Variants in RSRC1 observed in about 807,000 individuals in gnomAD.
RSRC1 encodes the protein arginine and serine rich coiled-coil 1.
Under a neutral mutation model 49.1 loss-of-function variants are expected in RSRC1, and 39 were observed. The ratio of observed to expected loss-of-function variants is 0.79; its 90% CI spans 0.61 to 1.04. The LOEUF is 1.04. Ranked by LOEUF, RSRC1 falls within the 50% of genes least tolerant of loss-of-function variation. The pLI, the probability that RSRC1 is intolerant of heterozygous loss-of-function variation, is 0.00. For synonymous variants in RSRC1, 143 were observed against 130.8 expected, an observed-to-expected ratio of 1.09 and a Z score of -0.63; for missense variants, 388 against 402.4, an observed-to-expected ratio of 0.96 and a Z score of 0.31.
intron 6 of RSRC1, among the ~76,000 whole-genome samples, chr3:158,444,775 A>T (rs1374549025): frequency 6.6e-6 from 1 of 152,232 alleles, no homozygotes; most frequent in East Asian, 1.9e-4. Flanking sequence ...AAGGGCTAAT[A>T]TCCAGAATCT....
At chr3:158,450,661 G>GT (rs1736977735) in intron 6 of RSRC1, among the ~76,000 whole-genome samples, 1 of 151,816 alleles carries the variant, frequency 6.6e-6, no homozygotes, top group Non-Finnish European at 1.5e-5. Flanking sequence ...ATATGCAGAA[G>GT]TAGCAGCTAT....
intron 7 of RSRC1, among the ~76,000 whole-genome samples, chr3:158,471,231 T>C (rs1288139081): frequency 1.3e-5 from 2 of 152,176 alleles, no homozygotes; most frequent in African/African-American, 4.8e-5. Context: ...GTATGATAAG[T>C]AGATTAGGAT....
intron 6 of RSRC1, among the ~76,000 whole-genome samples, chr3:158,388,612 G>GTTTTTTTT (rs11354237): frequency 1.4e-5 from 2 of 143,952 alleles, no homozygotes; most frequent in African/African-American, 5.2e-5. Context: ...CGTGTTTTTT[G>GTTTTTTTT]TTTTTTTTTT....
intron 4 of RSRC1, among the ~76,000 whole-genome samples, chr3:158,247,630 C>A (rs1222224833): frequency 6.6e-6 from 1 of 152,134 alleles, no homozygotes; most frequent in Non-Finnish European, 1.5e-5. Context: ...TTTTAACAGT[C>A]TAGCCTCTCT....
chr3:158,286,808 T>C (rs1262732120), intron 4 of RSRC1, among the ~76,000 whole-genome samples: 1 of 152,218 alleles, frequency 6.6e-6, no homozygotes, highest in Non-Finnish European at 1.5e-5. Context: ...ATTTCTGAGT[T>C]ATTCAAACTT....
rs557840086 is a variant in RSRC1, at chr3:158,122,111, C to T, written c.7C>T (p.Arg3Cys). 1.5e-5 allele frequency: 22 copies of T among 1,495,740 alleles called. No individual in the cohort carries two copies. The South Asian group carries it at 1.6e-4, about 11-fold the overall frequency. The allele number at this position is 1,495,740 out of a possible 1,614,324, so 92.7% of individuals were successfully genotyped here. ...CAAATTTATGCTTATAGAAATGGGA[C>T]GTCGGTCATCAGATACTGAAGAAGA... MGRRSSDTEEESR... is the reference protein window; with the variant it reads MGCRSSDTEEESR... Residue 3 changes from arginine (R) to cysteine (C), a missense_variant, in exon 2 of 10, where the codon CGT becomes TGT. Coordinates refer to ENST00000611884, the MANE Select transcript of RSRC1 (RefSeq NM_001271838.2).
At chr3:158,338,816 C>T (rs946295884) in intron 5 of RSRC1, among the ~76,000 whole-genome samples, 1 of 152,276 alleles carries the variant, frequency 6.6e-6, no homozygotes, top group East Asian at 1.9e-4. Flanking sequence ...AATTAAAATT[C>T]AAGCTCTGCC....
chr3:158,257,975 C>T lies in RSRC1; in HGVS notation c.495-40064C>T, dbSNP rs1724665807. On this transcript the variant is annotated intron_variant, in intron 4 of 9. Coordinates refer to ENST00000611884, the MANE Select transcript of RSRC1 (RefSeq NM_001271838.2). ...TTCTTGCTTTTTAACCTTGTCCTGT[C>T]TCTATTGATAGCTTATTTTACTGTC... is the stretch of plus-strand genomic sequence containing the variant. Among the ~76,000 whole-genome samples the T allele has an allele frequency of 2.6e-5, 4 of 152,064 alleles. No individual in the cohort carries two copies. The South Asian group carries it at 8.3e-4, about 32-fold the overall frequency.
At chr3:158,196,183 TGG>T (rs982833689) in intron 3 of RSRC1, among the ~76,000 whole-genome samples, 2 of 138,284 alleles carry the variant, frequency 1.4e-5, no homozygotes, top group African/African-American at 5.4e-5. Flanking sequence ...TTGAGCAGTG[TGG>T]TTTGTAGTTC....
chr3:158,229,350 AT>A (rs1285174367), intron 4 of RSRC1, among the ~76,000 whole-genome samples: 12,745 of 119,736 alleles, frequency 0.11, 2,169 homozygotes, highest in East Asian at 0.3. Flanking sequence ...GTATGTATAT[AT>A]ATACACATAT....
At chr3:158,498,212 C>G (rs1347681193) in intron 7 of RSRC1, among the ~76,000 whole-genome samples, 1 of 150,588 alleles carries the variant, frequency 6.6e-6, no homozygotes, top group Non-Finnish European at 1.5e-5. Flanking sequence ...GTTCCCTGAT[C>G]ATCGCATCCA....
chr3:158,121,864 G>A (rs1274073537), intron 1 of RSRC1, among the ~76,000 whole-genome samples: 2 of 152,144 alleles, frequency 1.3e-5, no homozygotes, highest in Non-Finnish European at 2.9e-5. Flanking sequence ...ATTGAGGCCA[G>A]AAATGGTGGC....
At chr3:158,272,330 C>T (rs1725568021) in intron 4 of RSRC1, among the ~76,000 whole-genome samples, 1 of 152,132 alleles carries the variant, frequency 6.6e-6, no homozygotes, top group Non-Finnish European at 1.5e-5. Flanking sequence ...TTGACAGTTA[C>T]CGCCAGCTTG....
At chr3:158,461,210 C>G (rs570835437) in intron 7 of RSRC1, among the ~76,000 whole-genome samples, 36 of 151,870 alleles carry the variant, frequency 2.4e-4, no homozygotes, top group African/African-American at 7.7e-4. Flanking sequence ...ATTATATATT[C>G]TGGGAAATTG....
intron 4 of RSRC1, among the ~76,000 whole-genome samples, chr3:158,258,791 A>G (rs993724287): frequency 6.6e-6 from 1 of 151,900 alleles, no homozygotes; most frequent in African/African-American, 2.4e-5. Context: ...CCTGTCTCCA[A>G]GCTCAGTAGT....
intron 6 of RSRC1, among the ~76,000 whole-genome samples, chr3:158,436,541 C>T (rs555859225): frequency 4.4e-4 from 67 of 151,888 alleles, no homozygotes; most frequent in East Asian, 9.7e-4. Flanking sequence ...TACAATTTCT[C>T]GGAAATATTG....
intron 5 of RSRC1, among the ~76,000 whole-genome samples, chr3:158,313,865 CCTT>C (rs1728256271): frequency 6.6e-6 from 1 of 152,174 alleles, no homozygotes; most frequent in Admixed American, 6.5e-5. Context: ...TCACTCCTAT[CCTT>C]CTTTAAAAAC....
chr3:158,388,268 G>A (rs1480795205), intron 6 of RSRC1, among the ~76,000 whole-genome samples: 1 of 151,524 alleles, frequency 6.6e-6, no homozygotes, highest in African/African-American at 2.4e-5. Flanking sequence ...TTGATTCTTA[G>A]ACATAATGAG....
chr3:158,513,363 A>G lies in RSRC1; in HGVS notation c.653-23729A>G, dbSNP rs1247936569. Among the ~76,000 whole-genome samples the G allele has an allele frequency of 2.0e-4, 31 of 152,260 alleles. No homozygotes were observed. The South Asian group carries it at 2.1e-3, about 10-fold the overall frequency. ...TTTGTCAAAGGCCTTTTCTGCATCT[A>G]TTGAGATAATCATGTGGTTTTTGCC... On this transcript the variant is annotated intron_variant, in intron 7 of 9. Transcript: ENST00000611884.
Sources: gnomAD v4.1 joint callset for allele counts (sites outside exome capture counted in the v4.1 genomes callset) on GRCh38, gnomAD v4.1.1 for gene constraint, MANE v1.5 for transcripts, NCBI Gene and HGNC (gene_info 2026-07-23, HGNC 2026-07-21) for gene names.